Variants in DLGAP3 observed in about 807,000 individuals in gnomAD.
DLGAP3 encodes the protein disks large-associated protein 3.
A neutral mutation model predicts 81.2 loss-of-function variants in DLGAP3; 17 were observed. That is an observed-to-expected ratio of 0.21 (90% CI 0.14 to 0.31). The LOEUF (loss-of-function observed/expected upper bound fraction) is 0.31, where lower values mean the gene tolerates loss of function less well. DLGAP3 is among the 10% of genes least tolerant of loss of function. The pLI, the probability that DLGAP3 is intolerant of heterozygous loss-of-function variation, is 1.00. For synonymous variants in DLGAP3, 577 were observed against 587.4 expected (o/e 0.98, Z 0.26); for missense variants, 1,124 against 1,388.0 (o/e 0.81, Z 3.02).
intron 5 of DLGAP3, among the ~76,000 whole-genome samples, chr1:34,894,458 C>G (rs1054675611): frequency 4.6e-5 from 7 of 152,112 alleles, no homozygotes; most frequent in African/African-American, 1.7e-4. Flanking sequence ...CATAGCAAAA[C>G]TGCAGAACAA....
intron 1 of DLGAP3, among the ~76,000 whole-genome samples, chr1:34,924,563 C>T (rs1244777939): frequency 6.6e-6 from 1 of 152,190 alleles, no homozygotes; most frequent in East Asian, 1.9e-4. Context: ...CCACACCTAA[C>T]CAGGAAGACC....
intron 5 of DLGAP3, among the ~76,000 whole-genome samples, chr1:34,896,495 A>G (rs1358862683): frequency 6.6e-6 from 1 of 151,876 alleles, no homozygotes; most frequent in African/African-American, 2.4e-5. Context: ...AGGCTGAGGC[A>G]GGAGAATCGC....
chr1:34,866,789 C>CG (rs1025101545), intron 11 of DLGAP3, among the ~76,000 whole-genome samples: 4 of 151,598 alleles, frequency 2.6e-5, no homozygotes, highest in South Asian at 2.1e-4. Context: ...CCGCCACCCC[C>CG]CCAACCCCGC....
chr1:34,868,899 C>T lies in DLGAP3; in HGVS notation c.2191G>A (p.Val731Ile). ...TAGGCCCACTGGCCCTGCGTGTGGA[C>T]CGTGCGGAAGACTGAGTAGGTGGGG... ...RAPTYSVFRT[V>I]HTQGQWAYRE... The change falls in exon 9 of 12, where the codon GTC becomes ATC. Residue 731 changes from valine (V) to isoleucine (I), a missense_variant. Around this residue, in one of 9 missense-constraint regions of DLGAP3, gnomAD observed 379 missense variants for 455.7 expected, o/e 0.83. Coordinates refer to ENST00000373347, the MANE Select transcript of DLGAP3 (RefSeq NM_001080418.3). This position sits in a 1 kb window ranked among gnomAD's most constrained non-coding sequence, Gnocchi z 7.5. 1.2e-6 allele frequency: 2 copies of T among 1,605,252 alleles called. No homozygotes were observed. The highest frequency in any genetic ancestry group is 1.7e-6 in the Non-Finnish European group (2 of 1,179,084).
intron 5 of DLGAP3, among the ~76,000 whole-genome samples, chr1:34,887,715 C>T (rs191168765): frequency 8.5e-5 from 13 of 152,286 alleles, no homozygotes; most frequent in Admixed American, 5.9e-4. Flanking sequence ...ATGGGCTATG[C>T]GTGAGACTTC....
At chr1:34,892,424 A>G (rs1221482382) in intron 5 of DLGAP3, among the ~76,000 whole-genome samples, 2 of 152,198 alleles carry the variant, frequency 1.3e-5, no homozygotes, top group Non-Finnish European at 2.9e-5. Context: ...AAAAAAGAGG[A>G]AAAGGAAGAG....
rs188263465 is a variant in DLGAP3 at position 34,874,137 on chromosome 1, G to A, written c.2001-5048C>T. 1.9e-4 allele frequency among the ~76,000 whole-genome samples: 29 copies of A among 152,262 alleles called. No homozygotes were observed. In the East Asian group the frequency reaches 5.6e-3, roughly 29 times the overall value. On this transcript the variant is annotated intron_variant, in intron 8 of 11. Transcript: ENST00000373347. Reference sequence around the variant, plus strand: ...TCACCAGAATGCAGACATGATGGCTGGACCTCAAGCAGCCATTCTGGAACA... The same window carrying A: ...TCACCAGAATGCAGACATGATGGCTAGACCTCAAGCAGCCATTCTGGAACA...
chr1:34,895,450 T>C lies in DLGAP3; in HGVS notation c.1386+4219A>G, dbSNP rs1639368324. ...CAAAGAAGAACTGAATAAATGGAAA[T>C]ACATCCAATATTCAAGGATAATAAT... On this transcript the variant is annotated intron_variant, in intron 5 of 11. Coordinates refer to ENST00000373347, the MANE Select transcript of DLGAP3 (RefSeq NM_001080418.3). This position sits in a 1 kb window ranked among gnomAD's most constrained non-coding sequence, Gnocchi z 4.5. Among the ~76,000 whole-genome samples, 1 of 151,150 alleles carries C rather than the reference T, an allele frequency of 6.6e-6. No individual in the cohort carries two copies. Among genetic ancestry groups the C allele is most frequent in the Non-Finnish European group, 1.5e-5 (1 of 67,808 alleles).
At chr1:34,894,825 A>G (rs1164717912) in intron 5 of DLGAP3, among the ~76,000 whole-genome samples, 2 of 152,176 alleles carry the variant, frequency 1.3e-5, no homozygotes, top group Non-Finnish European at 2.9e-5. Context: ...AATAATATAA[A>G]AAGTAACAAT....
intron 8 of DLGAP3, among the ~76,000 whole-genome samples, chr1:34,880,667 C>T (rs1390535280): frequency 6.6e-6 from 1 of 151,376 alleles, no homozygotes; most frequent in African/African-American, 2.4e-5. Context: ...CCACTGCACT[C>T]CAGAGTGAGA....
At chr1:34,923,178 G>A (rs1397822080) in intron 1 of DLGAP3, among the ~76,000 whole-genome samples, 1 of 151,828 alleles carries the variant, frequency 6.6e-6, no homozygotes, top group Non-Finnish European at 1.5e-5. Context: ...CAGCACCTCT[G>A]GGTAAAGGTC....
intron 5 of DLGAP3, among the ~76,000 whole-genome samples, chr1:34,896,117 A>G (rs1639377211): frequency 6.6e-6 from 1 of 152,244 alleles, no homozygotes; most frequent in Non-Finnish European, 1.5e-5. Flanking sequence ...ATGCATCATC[A>G]AGTTTAAAAT....
At position 34,895,343 on chromosome 1, in the gene DLGAP3, G is replaced by C. The variant is rs61776351; in HGVS notation, c.1386+4326C>G. On this transcript the variant is annotated intron_variant, in intron 5 of 11. Coordinates refer to ENST00000373347, the MANE Select transcript of DLGAP3 (RefSeq NM_001080418.3). The surrounding 1 kb of genome is among the most constrained non-coding windows in gnomAD (Gnocchi z 4.5). ...AGATCATGCCACTGCACTCCTACCTGGGCGACAGAGCGAGACTGTCTCAAA... is the reference window on the plus strand; with the variant it reads ...AGATCATGCCACTGCACTCCTACCTCGGCGACAGAGCGAGACTGTCTCAAA... Among the ~76,000 whole-genome samples, 1 of 150,618 alleles carries C rather than the reference G, an allele frequency of 6.6e-6. No individual in the cohort carries two copies. Among genetic ancestry groups the C allele is most frequent in the Non-Finnish European group, 1.5e-5 (1 of 67,802 alleles).
chr1:34,893,157 C>T (rs1261402603), intron 5 of DLGAP3, among the ~76,000 whole-genome samples: 22 of 123,614 alleles, frequency 1.8e-4, no homozygotes, highest in Admixed American at 1.3e-3. Context: ...CCGGCCTGGG[C>T]GACAGAGCGA....
At chr1:34,886,415 C>T (rs1639231103) in intron 5 of DLGAP3, 130 bp from the exon 6 acceptor site, 1 of 870,822 alleles carries the variant, frequency 1.1e-6, no homozygotes. Context: ...CGCATTTGAA[C>T]TAAAAGAAAC....
At chr1:34,912,866 G>A (rs1639658306) in intron 1 of DLGAP3, among the ~76,000 whole-genome samples, 1 of 152,168 alleles carries the variant, frequency 6.6e-6, no homozygotes, top group Non-Finnish European at 1.5e-5. Flanking sequence ...CCATGGATAG[G>A]CATCCCTCTG....
intron 7 of DLGAP3, 46 bp downstream of exon 7, chr1:34,885,432 G>T: frequency 6.3e-7 from 1 of 1,595,356 alleles, no homozygotes; most frequent in South Asian, 1.1e-5. Flanking sequence ...CCCCAGCCCC[G>T]ACCGACCAGG....
intron 8 of DLGAP3, among the ~76,000 whole-genome samples, chr1:34,884,063 A>C (rs1639183892): frequency 6.6e-6 from 1 of 151,900 alleles, no homozygotes; most frequent in Non-Finnish European, 1.5e-5. Context: ...AGACTACAGG[A>C]GTGTGCCACC....
Position 34,905,175 on chromosome 1 carries a change from G to T in DLGAP3, c.209C>A (p.Ser70Ter). 1.3e-6 allele frequency: 2 copies of T among 1,577,550 alleles called. No homozygotes were observed. The highest frequency in any genetic ancestry group is 1.7e-6 in the Non-Finnish European group (2 of 1,161,514). ...CGCTGGCCCTCCCTCAGGGCCTACC[G>T]ACGGCCCCTCACTCAGGCTCAGGGG... ...EGPLSLSEGP[S>*]VGPEGGPAGA... The change falls in exon 3 of 12, where the codon TCG (serine) becomes TAG (stop). Residue 70 changes from serine (S) to a stop codon, truncating the protein, a stop_gained. Coordinates refer to ENST00000373347, the MANE Select transcript of DLGAP3 (RefSeq NM_001080418.3). LOFTEE classifies it high-confidence loss of function.
Sources: allele counts gnomAD v4.1 joint callset (sites outside exome capture counted in the v4.1 genomes callset), GRCh38; gene constraint gnomAD v4.1.1; regional missense constraint gnomAD v4.1.1; non-coding constraint Gnocchi (gnomAD v3.1); transcripts MANE v1.5; gene names NCBI Gene and HGNC (gene_info 2026-07-23, HGNC 2026-07-21).